The following RSRC1 variants were observed in gnomAD, a reference collection of about 807,000 sequenced individuals.
RSRC1 encodes the protein serine/Arginine-related protein 53.
In RSRC1, 39 loss-of-function variants were observed where a neutral mutation model predicts 49.1. The ratio of observed to expected loss-of-function variants is 0.79; its 90% confidence interval spans 0.61 to 1.04. The LOEUF is 1.04. RSRC1 is among the 50% of genes least tolerant of loss of function. RSRC1 has a pLI of 0.00. For missense variants in RSRC1, 388 were observed against 402.4 expected (o/e 0.96, Z 0.31); for synonymous variants, 143 against 130.8 (o/e 1.09, Z -0.63).
chr3:158,437,884 G>A (rs1047096669), intron 6 of RSRC1, among the ~76,000 whole-genome samples: 1 of 152,114 alleles, frequency 6.6e-6, no homozygotes, highest in African/African-American at 2.4e-5. Flanking sequence ...AATTGTCCCT[G>A]TTTACAGATG....
chr3:158,361,601 A>G (rs779369273), intron 6 of RSRC1, among the ~76,000 whole-genome samples: 2 of 152,290 alleles, frequency 1.3e-5, no homozygotes, highest in Non-Finnish European at 2.9e-5. Context: ...CCTTTGCTCA[A>G]AATTACTCAG....
intron 6 of RSRC1, among the ~76,000 whole-genome samples, chr3:158,371,488 G>A (rs1732077700): frequency 6.6e-6 from 1 of 151,594 alleles, no homozygotes; most frequent in South Asian, 2.1e-4. Flanking sequence ...CTCATAATAT[G>A]TAGACTTTGA....
At chr3:158,334,234 C>T (rs1304511927) in intron 5 of RSRC1, among the ~76,000 whole-genome samples, 3 of 151,992 alleles carry the variant, frequency 2.0e-5, no homozygotes, top group Non-Finnish European at 2.9e-5. Flanking sequence ...AATTTAGGAA[C>T]CTTTGAAATT....
chr3:158,436,521 C>A (rs551711095), intron 6 of RSRC1, among the ~76,000 whole-genome samples: 1 of 151,840 alleles, frequency 6.6e-6, no homozygotes, highest in Non-Finnish European at 1.5e-5. Context: ...TATATACACA[C>A]CAGATTCTAT....
intron 3 of RSRC1, among the ~76,000 whole-genome samples, chr3:158,178,108 G>C (rs565401480): frequency 6.6e-6 from 1 of 151,876 alleles, no homozygotes; most frequent in Non-Finnish European, 1.5e-5. Context: ...TCCTGTTGTT[G>C]TTTTGTTTTT....
intron 6 of RSRC1, among the ~76,000 whole-genome samples, chr3:158,372,720 A>AT (rs146179119): frequency 1.3e-5 from 2 of 151,910 alleles, no homozygotes; most frequent in African/African-American, 4.8e-5. Flanking sequence ...TCAGATTAAA[A>AT]TTTTTTTAAT....
intron 4 of RSRC1, among the ~76,000 whole-genome samples, chr3:158,207,059 A>T (rs1282175433): frequency 3.3e-5 from 5 of 152,222 alleles, no homozygotes; most frequent in African/African-American, 1.2e-4. Context: ...GAAGGTGCTT[A>T]GGCTTGTGGT....
Position 158,216,588 on chromosome 3 carries a change from T to C in RSRC1, c.494+13343T>C, listed in dbSNP as rs184740843. Among the ~76,000 whole-genome samples, 53 of 151,812 alleles carry C rather than the reference T, an allele frequency of 3.5e-4. No homozygotes were observed. In the East Asian group the frequency reaches 0.01, roughly 29 times the overall value. On this transcript the variant is annotated intron_variant, in intron 4 of 9. Coordinates refer to ENST00000611884, the MANE Select transcript of RSRC1 (RefSeq NM_001271838.2). The stretch of plus-strand genomic sequence containing the variant: ...GATAATATTAATCTAGTTTCAGCAG[T>C]TAAATTGCTAACTCTTACAGGCCAT...
chr3:158,247,251 G>A (rs1723955770), intron 4 of RSRC1, among the ~76,000 whole-genome samples: 2 of 151,966 alleles, frequency 1.3e-5, no homozygotes, highest in Admixed American at 1.3e-4. Context: ...TCTTTAAACT[G>A]GCTGTCAGCT....
chr3:158,475,013 C>G (rs1738306636), intron 7 of RSRC1, among the ~76,000 whole-genome samples: 1 of 152,084 alleles, frequency 6.6e-6, no homozygotes, highest in African/African-American at 2.4e-5. Context: ...CTCCCAGGCT[C>G]AAGACATCCT....
At chr3:158,530,195 T>C (rs1712301117) in intron 7 of RSRC1, among the ~76,000 whole-genome samples, 1 of 151,968 alleles carries the variant, frequency 6.6e-6, no homozygotes. Flanking sequence ...TTAGCCAACT[T>C]CCGTGTCTTT....
intron 4 of RSRC1, among the ~76,000 whole-genome samples, chr3:158,244,461 G>C (rs1723773866): frequency 6.6e-6 from 1 of 152,120 alleles, no homozygotes. Flanking sequence ...TTGCATGCCA[G>C]GGATGAAGCC....
chr3:158,285,709 A>G (rs1464077840), intron 4 of RSRC1, among the ~76,000 whole-genome samples: 2 of 152,098 alleles, frequency 1.3e-5, no homozygotes, highest in Non-Finnish European at 2.9e-5. Context: ...TTATTGGTGT[A>G]TAAGAATGCT....
intron 3 of RSRC1, among the ~76,000 whole-genome samples, chr3:158,144,304 TC>T (rs1716938201): frequency 6.6e-6 from 1 of 151,586 alleles, no homozygotes; most frequent in African/African-American, 2.4e-5. Context: ...CCCTCAACAG[TC>T]CCCGGTGTGT....
chr3:158,351,606 T>A (rs1313245362), intron 5 of RSRC1, among the ~76,000 whole-genome samples: 1 of 152,112 alleles, frequency 6.6e-6, no homozygotes, highest in African/African-American at 2.4e-5. Flanking sequence ...ACAATTTTTT[T>A]AAACGGAATC....
At chr3:158,345,063 T>TAA (rs764384812) in intron 5 of RSRC1, among the ~76,000 whole-genome samples, 3 of 135,514 alleles carry the variant, frequency 2.2e-5, no homozygotes, top group African/African-American at 2.6e-5. Flanking sequence ...TACTAAAAAA[T>TAA]AAAAAAAAAA....
At chr3:158,477,110 A>G (rs568700074) in intron 7 of RSRC1, among the ~76,000 whole-genome samples, 2 of 152,276 alleles carry the variant, frequency 1.3e-5, no homozygotes, top group South Asian at 4.1e-4. Context: ...AACATGAACA[A>G]ATGAGTAGTT....
At chr3:158,248,546 A>C (rs1456914427) in intron 4 of RSRC1, among the ~76,000 whole-genome samples, 1 of 151,306 alleles carries the variant, frequency 6.6e-6, no homozygotes, top group East Asian at 1.9e-4. Context: ...TTAAGTAGAC[A>C]TGTTTTTGTT....
chr3:158,125,824 A>G (rs1048659997), intron 3 of RSRC1, among the ~76,000 whole-genome samples: 6 of 152,072 alleles, frequency 3.9e-5, no homozygotes, highest in East Asian at 1.9e-4. Flanking sequence ...TACTATTACT[A>G]TGTTACTAAA....
Sources: allele counts gnomAD v4.1 joint callset (sites outside exome capture counted in the v4.1 genomes callset), GRCh38; gene constraint gnomAD v4.1.1; transcripts MANE v1.5; gene names NCBI Gene and HGNC (gene_info 2026-07-23, HGNC 2026-07-21).